Variants in KICS2 observed in about 807,000 individuals in gnomAD.
The protein encoded by KICS2 is KICSTOR complex protein C12orf66.
A neutral mutation model predicts 31.4 loss-of-function variants in KICS2; 13 were observed. The observed-to-expected ratio is 0.41, with a 90% CI of 0.27 to 0.66. The LOEUF is 0.66. Ranked by LOEUF, KICS2 falls within the 30% of genes least tolerant of loss-of-function variation. The pLI, the probability that KICS2 is intolerant of heterozygous loss-of-function variation, is 0.28. For synonymous variants in KICS2, 209 were observed against 214.8 expected, an observed-to-expected ratio of 0.97 and a Z score of 0.24; for missense variants, 455 against 545.4, an observed-to-expected ratio of 0.83 and a Z score of 1.65.
chr12:64,208,840 CT>C (rs563170656), intron 2 of KICS2, among the ~76,000 whole-genome samples: 186 of 151,798 alleles, frequency 1.2e-3, no homozygotes, highest in African/African-American at 4.4e-3. Flanking sequence ...TCTAGAATGC[CT>C]AAGTGATGGC....
At chr12:64,216,598 A>T (rs545973874) in intron 1 of KICS2, among the ~76,000 whole-genome samples, 2 of 152,326 alleles carry the variant, frequency 1.3e-5, no homozygotes, top group African/African-American at 4.8e-5. Flanking sequence ...ACTCTTGACA[A>T]GGTTGACACT....
At position 64,194,165 on chromosome 12, in the gene KICS2, C is replaced by A. The variant is rs779722376; in HGVS notation, c.1015G>T (p.Ala339Ser). Residue 339 changes from alanine (A) to serine (S), a missense_variant, in exon 3 of 3, where the codon GCC (alanine) becomes TCC (serine). By Grantham distance (99) the Ala-to-Ser change is moderately conservative (BLOSUM62 1). Coordinates refer to ENST00000398055, the MANE Select transcript of KICS2 (RefSeq NM_152440.5). ...GYHHPHSYRE[A>S]PKGVDQYPAV... is the part of the protein sequence containing the mutation. ...GGATACTGGTCCACACCCTTGGGGG[C>A]CTCTCTGTAGGAATGGGGGTGGTGA... 2 of 1,614,056 alleles carry A rather than the reference C, an allele frequency of 1.2e-6. No homozygotes were observed. The highest frequency in any genetic ancestry group is 1.7e-6 in the Non-Finnish European group (2 of 1,180,028).
intron 2 of KICS2, among the ~76,000 whole-genome samples, chr12:64,206,328 G>T (rs1197946438): frequency 1.3e-5 from 2 of 151,988 alleles, no homozygotes; most frequent in African/African-American, 4.8e-5. Flanking sequence ...TTTATGTTAT[G>T]TATATTTTAC....
rs761962668 is a variant in KICS2, at chr12:64,222,210, G to A, written c.28C>T (p.Pro10Ser). 4 of 1,614,022 alleles carry A rather than the reference G, an allele frequency of 2.5e-6. No individual in the cohort carries two copies. The highest frequency in any genetic ancestry group is 1.3e-5 in the African/African-American group (1 of 75,054). ...AGCACCGCCTGTTCCACCGGGACCG[G>A]GGCGGCCAGCGGGATAGACTCCCCC... MGESIPLAA[P>S]VPVEQAVLET... is the part of the protein sequence containing the mutation. Residue 10 changes from proline to serine, a missense_variant, in exon 1 of 3, where the codon CCG becomes TCG. Transcript: ENST00000398055.
At chr12:64,201,619 G>GAAAAAAAAAAA (rs142477212) in intron 2 of KICS2, among the ~76,000 whole-genome samples, 1 of 117,624 alleles carries the variant, frequency 8.5e-6, no homozygotes, top group African/African-American at 3.3e-5. Context: ...AAAAAAAAAA[G>GAAAAAAAAAAA]AAAAAAAAAA....
chr12:64,193,829 C>T lies in KICS2; in HGVS notation c.*13G>A, dbSNP rs767456687. 3.0e-5 allele frequency: 48 copies of T among 1,603,320 alleles called. No homozygotes were observed. Among genetic ancestry groups the T allele is most frequent in the Admixed American group, 2.2e-4 (13 of 58,888 alleles). ...AGTTTCTAGTCTTGAAACCCCTCCACGCAAATCACCTGCTAACCTTTGGCT... is the reference window on the plus strand; with the variant it reads ...AGTTTCTAGTCTTGAAACCCCTCCATGCAAATCACCTGCTAACCTTTGGCT... On this transcript the variant is annotated 3_prime_UTR_variant, in exon 3 of 3. Transcript: ENST00000398055.
chr12:64,193,381 T>C lies in KICS2; in HGVS notation c.*461A>G. On this transcript the variant is annotated 3_prime_UTR_variant, in exon 3 of 3. Transcript: ENST00000398055. ...ATAAATCTACTAACTCCATATTCATTTGCTAATTTATGAGACAGAAAACAT... is the reference window on the plus strand; with the variant it reads ...ATAAATCTACTAACTCCATATTCATCTGCTAATTTATGAGACAGAAAACAT... 3.0e-6 allele frequency: 3 copies of C among 986,118 alleles called. No homozygotes were observed. Among genetic ancestry groups the C allele is most frequent in the Non-Finnish European group, 2.4e-6 (2 of 830,374 alleles). 61.1% of individuals were successfully genotyped at this position (986,118 alleles called of 1,614,324 possible).
In KICS2 at chr12:64,196,447, T is replaced by C. The variant is rs1457441631; in HGVS notation, c.522-1789A>G. Among the ~76,000 whole-genome samples, 8 of 150,166 alleles carry C rather than the reference T, an allele frequency of 5.3e-5. No individual in the cohort carries two copies. The East Asian group carries it at 1.6e-3, about 29-fold the overall frequency. ...AGGACATCCACACCGAAAACCCATC[T>C]GTACATCACCATCATCAAAGACCAA... is the stretch of plus-strand genomic sequence containing the variant. On this transcript the variant is annotated intron_variant, in intron 2 of 2. Coordinates refer to ENST00000398055, the MANE Select transcript of KICS2 (RefSeq NM_152440.5).
intron 1 of KICS2, among the ~76,000 whole-genome samples, chr12:64,217,834 A>AGAAG (rs1555182473): frequency 4.6e-5 from 7 of 151,912 alleles, no homozygotes; most frequent in East Asian, 1.9e-4. Context: ...AAGAAAAGAA[A>AGAAG]GAAGGAAGGA....
intron 2 of KICS2, among the ~76,000 whole-genome samples, chr12:64,206,888 G>A (rs939138759): frequency 2.6e-5 from 4 of 152,130 alleles, no homozygotes; most frequent in African/African-American, 9.7e-5. Context: ...GGGCTGGGAG[G>A]GGGGAAAATG....
chr12:64,187,564 C>T (rs760623487), downstream of KICS2: 26 of 1,406,444 alleles, frequency 1.8e-5, no homozygotes, highest in Non-Finnish European at 2.0e-5. Context: ...GCACATCAAG[C>T]CTATTTCTTC....
At chr12:64,202,660 T>C (rs2037500765) in intron 2 of KICS2, among the ~76,000 whole-genome samples, 1 of 148,564 alleles carries the variant, frequency 6.7e-6, no homozygotes, top group Non-Finnish European at 1.5e-5. Context: ...TTCTACTTGA[T>C]ATTTTCTAAT....
chr12:64,220,317 T>C (rs956565336), intron 1 of KICS2, among the ~76,000 whole-genome samples: 4 of 152,104 alleles, frequency 2.6e-5, no homozygotes, highest in African/African-American at 9.7e-5. Context: ...GTGAAGATCT[T>C]ATACACACAT....
In KICS2 at chr12:64,194,074, G is replaced by A. The variant is rs776484826; in HGVS notation, c.1106C>T (p.Thr369Met). ...MHWPNVIMIM[T>M]DRTSDLNSLE... Reference sequence around the variant, plus strand: ...GCTGTTCAGATCAGATGTGCGGTCCGTCATGATCATGATGACATTGGGCCA... The same window carrying A: ...GCTGTTCAGATCAGATGTGCGGTCCATCATGATCATGATGACATTGGGCCA... Residue 369 changes from threonine to methionine, a missense_variant, in exon 3 of 3, where the codon ACG becomes ATG. By Grantham distance (81) the Thr-to-Met change is moderately conservative (BLOSUM62 -1). Coordinates refer to ENST00000398055, the MANE Select transcript of KICS2 (RefSeq NM_152440.5). 9 of 1,614,002 alleles carry A rather than the reference G, an allele frequency of 5.6e-6. No homozygotes were observed. Among genetic ancestry groups the A allele is most frequent in the South Asian group, 1.1e-5 (1 of 91,088 alleles).
At chr12:64,195,907 G>A (rs1450501533) in intron 2 of KICS2, among the ~76,000 whole-genome samples, 1 of 152,196 alleles carries the variant, frequency 6.6e-6, no homozygotes, top group Admixed American at 6.5e-5. Flanking sequence ...TTAAAAAACG[G>A]CGCACCACGA....
chr12:64,187,332 AC>A, downstream of KICS2: 1 of 404,832 alleles, frequency 2.5e-6, no homozygotes, highest in Non-Finnish European at 4.4e-6. Flanking sequence ...TAGAACCCTA[AC>A]CCCAGATTCT....
chr12:64,193,072 G>A lies in KICS2; in HGVS notation c.*770C>T, dbSNP rs115027388. The A allele has an allele frequency of 1.9e-3, 1,835 of 985,352 alleles. 23 individuals carry two copies. The African/African-American group carries it at 0.027, about 15-fold the overall frequency. The allele number at this position is 985,352 out of a possible 1,614,324, so 61.0% of individuals were successfully genotyped here. On this transcript the variant is annotated 3_prime_UTR_variant, in exon 3 of 3. Transcript: ENST00000398055. ...AAAAGTGATAAACAGAAAGCGAAGC[G>A]GATAATATGCTGAAGAATGAAGAAA...
intron 1 of KICS2, among the ~76,000 whole-genome samples, chr12:64,219,914 T>C (rs1178580645): frequency 6.6e-6 from 1 of 152,212 alleles, no homozygotes; most frequent in Non-Finnish European, 1.5e-5. Flanking sequence ...AACATGGGAA[T>C]GTTTTAAATG....
chr12:64,202,338 C>G (rs1161277991), intron 2 of KICS2, among the ~76,000 whole-genome samples: 1 of 151,926 alleles, frequency 6.6e-6, no homozygotes, highest in Non-Finnish European at 1.5e-5. Flanking sequence ...CTGAGCCCAG[C>G]AAGGCTGAGG....
Sources: allele counts gnomAD v4.1 joint callset (sites outside exome capture counted in the v4.1 genomes callset), GRCh38; gene constraint gnomAD v4.1.1; transcripts MANE v1.5; gene names NCBI Gene and HGNC (gene_info 2026-07-23, HGNC 2026-07-21).